Variants in CCDC148 observed in about 807,000 individuals in gnomAD.
CCDC148 encodes the protein coiled-coil domain-containing protein 148.
Under a neutral mutation model 85.7 loss-of-function variants are expected in CCDC148, and 89 were observed. The ratio of observed to expected loss-of-function variants is 1.04; its 90% CI spans 0.87 to 1.24. The LOEUF is 1.24. Among genes scored for constraint, CCDC148 ranks in the 50% most tolerant of loss-of-function variants. The pLI, the probability that CCDC148 is intolerant of heterozygous loss-of-function variation, is 0.00. For missense variants in CCDC148, 692 were observed against 671.7 expected (o/e 1.03, Z -0.33); for synonymous variants, 230 against 213.9 (o/e 1.08, Z -0.66).
intron 7 of CCDC148, among the ~76,000 whole-genome samples, chr2:158,331,222 GT>G (rs1693094804): frequency 6.6e-6 from 1 of 150,468 alleles, no homozygotes; most frequent in African/African-American, 2.5e-5. Flanking sequence ...GTTCTCATTG[GT>G]TTCAAAGAAC....
intron 11 of CCDC148, among the ~76,000 whole-genome samples, chr2:158,181,606 A>C (rs1249353929): frequency 1.3e-5 from 2 of 152,176 alleles, no homozygotes; most frequent in African/African-American, 4.8e-5. Context: ...AGTACTCTGA[A>C]TTTAAGATCC....
intron 1 of CCDC148, among the ~76,000 whole-genome samples, chr2:158,433,092 ATAT>A (rs1372927200): frequency 1.5e-5 from 1 of 67,320 alleles, no homozygotes; most frequent in African/African-American, 5.1e-5. Context: ...AAAAAAAAAA[ATAT>A]ATATATATAT....
intron 1 of CCDC148, among the ~76,000 whole-genome samples, chr2:158,415,835 G>A (rs1040324033): frequency 3.3e-5 from 5 of 152,172 alleles, no homozygotes; most frequent in African/African-American, 1.2e-4. Flanking sequence ...TCTGGAGGAT[G>A]ATGGCCCTAT....
chr2:158,388,548 G>A (rs1017226121), intron 1 of CCDC148, among the ~76,000 whole-genome samples: 2 of 152,118 alleles, frequency 1.3e-5, no homozygotes, highest in Non-Finnish European at 2.9e-5. Context: ...AGGCTGGAGT[G>A]CAATGGTGCA....
At chr2:158,364,044 T>G (rs1559101113) in intron 1 of CCDC148, among the ~76,000 whole-genome samples, 1 of 152,142 alleles carries the variant, frequency 6.6e-6, no homozygotes, top group African/African-American at 2.4e-5. Context: ...AAATCATGAG[T>G]GAACTCCCAT....
At chr2:158,362,084 A>G (rs1232159451) in intron 1 of CCDC148, among the ~76,000 whole-genome samples, 1 of 152,086 alleles carries the variant, frequency 6.6e-6, no homozygotes, top group African/African-American at 2.4e-5. Flanking sequence ...AGACAAGGTC[A>G]TTACATAATG....
intron 11 of CCDC148, among the ~76,000 whole-genome samples, chr2:158,200,587 A>G (rs1296613482): frequency 1.3e-5 from 2 of 152,210 alleles, no homozygotes; most frequent in Admixed American, 1.3e-4. Flanking sequence ...AAATTTGCCA[A>G]CTCATTGACT....
At chr2:158,363,570 A>T (rs183668574) in intron 1 of CCDC148, among the ~76,000 whole-genome samples, 1 of 152,220 alleles carries the variant, frequency 6.6e-6, no homozygotes, top group Non-Finnish European at 1.5e-5. Context: ...AAACCATATG[A>T]TTATCTCAAT....
At chr2:158,258,191 A>G (rs1689084911) in intron 9 of CCDC148, among the ~76,000 whole-genome samples, 1 of 150,486 alleles carries the variant, frequency 6.6e-6, no homozygotes, top group Admixed American at 6.8e-5. Context: ...TCAAGAAATT[A>G]TTTCCATTCT....
chr2:158,223,129 C>T (rs994064567), intron 10 of CCDC148, among the ~76,000 whole-genome samples: 4 of 152,188 alleles, frequency 2.6e-5, no homozygotes, highest in Admixed American at 2.0e-4. Context: ...TAATACTGCG[C>T]TTTCCCAAAG....
At chr2:158,417,314 G>C in intron 1 of CCDC148, among the ~76,000 whole-genome samples, 1 of 152,180 alleles carries the variant, frequency 6.6e-6, no homozygotes, top group East Asian at 1.9e-4. Context: ...GCATACTGTG[G>C]TGGCCCTGGA....
chr2:158,421,594 T>C (rs1195382463), intron 1 of CCDC148, among the ~76,000 whole-genome samples: 1 of 152,126 alleles, frequency 6.6e-6, no homozygotes, highest in Non-Finnish European at 1.5e-5. Flanking sequence ...AAGCAGTGTG[T>C]AGAGGGAAAT....
At chr2:158,351,965 C>T (rs913661554) in intron 2 of CCDC148, among the ~76,000 whole-genome samples, 4 of 144,802 alleles carry the variant, frequency 2.8e-5, no homozygotes, top group African/African-American at 1.1e-4. Context: ...AGCAGGGGCA[C>T]ACTGACACCT....
intron 9 of CCDC148, among the ~76,000 whole-genome samples, chr2:158,282,183 CA>C (rs1472200140): frequency 6.6e-6 from 1 of 151,922 alleles, no homozygotes; most frequent in Non-Finnish European, 1.5e-5. Flanking sequence ...ACTGAATGGG[CA>C]AAAACTGGAA....
intron 9 of CCDC148, among the ~76,000 whole-genome samples, chr2:158,263,217 G>A (rs1207395025): frequency 6.6e-6 from 1 of 152,006 alleles, no homozygotes; most frequent in Non-Finnish European, 1.5e-5. Flanking sequence ...CTCTACTTTA[G>A]GGCATGTACT....
At chr2:158,280,821 T>A (rs1429090501) in intron 9 of CCDC148, among the ~76,000 whole-genome samples, 2 of 152,108 alleles carry the variant, frequency 1.3e-5, no homozygotes, top group African/African-American at 2.4e-5. Context: ...GAACAGAATA[T>A]ACATTTTTTT....
At chr2:158,339,442 A>AT (rs1175358226) in intron 5 of CCDC148, among the ~76,000 whole-genome samples, 1 of 152,150 alleles carries the variant, frequency 6.6e-6, no homozygotes, top group Admixed American at 6.5e-5. Context: ...ATACATTTAT[A>AT]TTTTTTATGA....
chr2:158,352,565 A>C (rs1393614454), intron 2 of CCDC148, among the ~76,000 whole-genome samples: 1 of 152,116 alleles, frequency 6.6e-6, no homozygotes, highest in Non-Finnish European at 1.5e-5. Flanking sequence ...TCCAAGAAAT[A>C]TGGGACTATG....
rs987001556 is a variant in CCDC148, at chr2:158,377,278, T to G, written c.26-18708A>C. 1.8e-4 allele frequency among the ~76,000 whole-genome samples: 26 copies of G among 146,368 alleles called. No homozygotes were observed. The East Asian group carries it at 4.8e-3, about 27-fold the overall frequency. ...CTGGAGGGGTAGGGTGTGTCGATGG[T>G]GTGGGGGGGGTGGGGTACAAATTAC... On this transcript the variant is annotated intron_variant, in intron 1 of 13. Coordinates refer to ENST00000283233, the MANE Select transcript of CCDC148 (RefSeq NM_138803.4).
Sources: allele counts gnomAD v4.1 joint callset (sites outside exome capture counted in the v4.1 genomes callset), GRCh38; gene constraint gnomAD v4.1.1; transcripts MANE v1.5; gene names NCBI Gene and HGNC (gene_info 2026-07-23, HGNC 2026-07-21).